The following MYRIP variants were observed in gnomAD, a reference collection of about 807,000 sequenced individuals.
The protein encoded by MYRIP is rab effector MyRIP.
A neutral mutation model predicts 98.0 loss-of-function variants in MYRIP; 49 were observed. The ratio of observed to expected loss-of-function variants is 0.50; its 90% CI spans 0.40 to 0.63. The LOEUF (loss-of-function observed/expected upper bound fraction) is 0.63. Among genes scored for constraint, MYRIP ranks in the 30% least tolerant of loss-of-function variants. The probability of loss-of-function intolerance (pLI) is 0.00; values close to 1 mark genes in which losing one functional copy is unlikely to be tolerated. For synonymous variants in MYRIP, 404 were observed against 409.5 expected (o/e 0.99, Z 0.16); for missense variants, 1,004 against 1,058.2 (o/e 0.95, Z 0.71).
At chr3:39,900,698 C>T (rs1943719636) in intron 1 of MYRIP, 89 bp from the exon 2 acceptor site, 1 of 682,878 alleles carries the variant, frequency 1.5e-6, no homozygotes, top group East Asian at 2.7e-5. Flanking sequence ...TACATATAAA[C>T]ACTATATTTA....
In MYRIP at chr3:40,210,020, C is replaced by T; in HGVS notation, c.1832C>T (p.Thr611Ile). 6.2e-7 allele frequency: 1 copy of T among 1,614,088 alleles called. No homozygotes were observed. Among genetic ancestry groups the T allele is most frequent in the Non-Finnish European group, 8.5e-7 (1 of 1,179,984 alleles). Residue 611 changes from threonine (T) to isoleucine (I), a missense_variant, in exon 11 of 17, where the codon ACA becomes ATA. This residue lies in a region of MYRIP where 880 missense variants were observed against 907.7 expected (regional missense o/e 0.97). Coordinates refer to ENST00000302541, the MANE Select transcript of MYRIP (RefSeq NM_015460.4). ...SGEDQESEPK[T>I]ESENQKESLS... The stretch of plus-strand genomic sequence containing the variant: ...GAGGATCAGGAGTCTGAGCCCAAGA[C>T]AGAATCTGAGAACCAGAAGGAAAGT...
intron 15 of MYRIP, 33 bp downstream of exon 15, chr3:40,250,532 AAATT>A: frequency 6.2e-7 from 1 of 1,611,642 alleles, no homozygotes; most frequent in Non-Finnish European, 8.5e-7. Flanking sequence ...AGCTACCAAA[AAATT>A]AAGCCTGAAT....
chr3:40,072,295 A>G (rs1419763748), intron 3 of MYRIP, among the ~76,000 whole-genome samples: 3 of 151,856 alleles, frequency 2.0e-5, no homozygotes, highest in Admixed American at 6.6e-5. Context: ...TGCAACCTCT[A>G]CCTCCCGAGT....
At chr3:39,971,335 T>C (rs1945576184) in intron 2 of MYRIP, among the ~76,000 whole-genome samples, 1 of 152,060 alleles carries the variant, frequency 6.6e-6, no homozygotes, top group African/African-American at 2.4e-5. Context: ...AGGTATCTGC[T>C]TCTTTCTTGC....
chr3:40,034,314 A>G (rs1445772952), intron 2 of MYRIP, among the ~76,000 whole-genome samples: 1 of 152,212 alleles, frequency 6.6e-6, no homozygotes, highest in Non-Finnish European at 1.5e-5. Flanking sequence ...AATTTTTGCA[A>G]CCTACTCATC....
At chr3:40,212,154 G>A (rs904014895) in intron 11 of MYRIP, among the ~76,000 whole-genome samples, 2,470 of 9,548 alleles carry the variant, frequency 0.26, 777 homozygotes, top group East Asian at 0.56. Context: ...ATATATATAC[G>A]TGTATATATA....
intron 3 of MYRIP, among the ~76,000 whole-genome samples, chr3:40,077,608 T>C (rs2125865724): frequency 6.6e-6 from 1 of 152,284 alleles, no homozygotes; most frequent in East Asian, 1.9e-4. Flanking sequence ...AGGGTGCTGT[T>C]TGGTGTGTTT....
intron 1 of MYRIP, among the ~76,000 whole-genome samples, chr3:39,823,203 C>T (rs1413534233): frequency 1.3e-5 from 2 of 151,922 alleles, no homozygotes; most frequent in African/African-American, 2.4e-5. Flanking sequence ...TATTCTTAGT[C>T]GAGATGGGGT....
chr3:39,944,919 A>G (rs1293775824), intron 2 of MYRIP, among the ~76,000 whole-genome samples: 1 of 152,158 alleles, frequency 6.6e-6, no homozygotes, highest in Non-Finnish European at 1.5e-5. Flanking sequence ...ATAAATATAT[A>G]TACATAGACT....
At chr3:39,959,683 A>G (rs1469478636) in intron 2 of MYRIP, among the ~76,000 whole-genome samples, 2 of 152,096 alleles carry the variant, frequency 1.3e-5, no homozygotes, top group Admixed American at 1.3e-4. Context: ...TTAAAAAAAA[A>G]AAAGCAAACT....
At chr3:40,095,059 A>G (rs1360601262) in intron 3 of MYRIP, among the ~76,000 whole-genome samples, 1 of 152,146 alleles carries the variant, frequency 6.6e-6, no homozygotes, top group African/African-American at 2.4e-5. Context: ...TGATTCAAGC[A>G]AGACCCATTC....
At chr3:40,048,357 G>A (rs1947714225) in intron 3 of MYRIP, among the ~76,000 whole-genome samples, 1 of 152,008 alleles carries the variant, frequency 6.6e-6, no homozygotes, top group Admixed American at 6.6e-5. Flanking sequence ...GCTACAATAT[G>A]CATATGTTTT....
chr3:39,880,485 A>C (rs1559507419), intron 1 of MYRIP, among the ~76,000 whole-genome samples: 1 of 152,258 alleles, frequency 6.6e-6, no homozygotes, highest in Non-Finnish European at 1.5e-5. Flanking sequence ...TTCATTGAGA[A>C]AAATTCAACT....
intron 2 of MYRIP, among the ~76,000 whole-genome samples, chr3:39,952,687 GT>G (rs1398627907): frequency 6.6e-6 from 1 of 152,138 alleles, no homozygotes; most frequent in Non-Finnish European, 1.5e-5. Context: ...CCTAAACTCT[GT>G]TTCCTCAATG....
At chr3:40,222,113 G>A (rs886315775) in intron 11 of MYRIP, among the ~76,000 whole-genome samples, 1 of 152,220 alleles carries the variant, frequency 6.6e-6, no homozygotes, top group Non-Finnish European at 1.5e-5. Context: ...AAGCGGCAGT[G>A]TATAGCAGCA....
chr3:40,184,669 T>C (rs2125621263), intron 9 of MYRIP, among the ~76,000 whole-genome samples: 2 of 152,318 alleles, frequency 1.3e-5, no homozygotes, highest in African/African-American at 4.8e-5. Flanking sequence ...TAAAAACAAC[T>C]ACAAGATGCT....
In MYRIP at chr3:39,914,091, T is replaced by C. The variant is rs1476866950; in HGVS notation, c.110+13165T>C. ...CAGCTTTGCTCTTCTAGAACAGACA[T>C]ACAAGAGATTCCTCTTAGTAACACT... On this transcript the variant is annotated intron_variant, in intron 2 of 16. Coordinates refer to ENST00000302541, the MANE Select transcript of MYRIP (RefSeq NM_015460.4). Among the ~76,000 whole-genome samples, 5 of 152,200 alleles carry C rather than the reference T, an allele frequency of 3.3e-5. 1 individual carries two copies. The highest frequency in any genetic ancestry group is 3.3e-4 in the Admixed American group (5 of 15,278).
intron 2 of MYRIP, among the ~76,000 whole-genome samples, chr3:39,915,266 C>T (rs956438658): frequency 6.6e-6 from 1 of 151,990 alleles, no homozygotes; most frequent in Non-Finnish European, 1.5e-5. Flanking sequence ...AATAATAAAA[C>T]TCAATTGACA....
At chr3:39,840,190 T>C (rs1941757246) in intron 1 of MYRIP, among the ~76,000 whole-genome samples, 2 of 152,222 alleles carry the variant, frequency 1.3e-5, no homozygotes, top group South Asian at 4.1e-4. Flanking sequence ...GATAGTTAGC[T>C]CTTCTTGTCA....
Sources: allele counts gnomAD v4.1 joint callset (sites outside exome capture counted in the v4.1 genomes callset), GRCh38; gene constraint gnomAD v4.1.1; regional missense constraint gnomAD v4.1.1; transcripts MANE v1.5; gene names NCBI Gene and HGNC (gene_info 2026-07-23, HGNC 2026-07-21).